RRAGB: variants seen among roughly 807,000 people sequenced by gnomAD.
RRAGB encodes Ras related GTP binding B.
In RRAGB, 6 loss-of-function variants were observed where a neutral mutation model predicts 29.3. The observed-to-expected ratio is 0.21, with a 90% CI of 0.11 to 0.40. The LOEUF (loss-of-function observed/expected upper bound fraction) is 0.40, where lower values mean the gene tolerates loss of function less well. Ranked by LOEUF, RRAGB falls within the 10% of genes least tolerant of loss-of-function variation. RRAGB has a pLI of 1.00. For missense variants in RRAGB, 184 were observed against 272.9 expected, an observed-to-expected ratio of 0.67 and a Z score of 2.29; for synonymous variants, 101 against 92.5, an observed-to-expected ratio of 1.09 and a Z score of -0.53.
Position 55,757,293 on chromosome X carries a change from A to C in RRAGB, c.905A>C (p.Asn302Thr). 8.4e-7 allele frequency: 1 copy of C among 1,185,932 alleles called. No homozygotes were observed. The highest frequency in any genetic ancestry group is 3.0e-5 in the East Asian group (1 of 33,665). Residue 302 changes from asparagine to threonine, a missense_variant, in exon 9 of 10, where the codon AAC (asparagine) becomes ACC (threonine). Physicochemically the swap from Asn to Thr is moderately conservative, Grantham distance 65 (BLOSUM62 0). Transcript: ENST00000374941. ...FAAFIDIFTSNTYVMVVMSDP... is the reference protein window; with the variant it reads ...FAAFIDIFTSTTYVMVVMSDP... ...GCTTTCATTGACATCTTTACATCCAACACTTATGTGATGGTTGTGATGTCT... is the reference window on the plus strand; with the variant it reads ...GCTTTCATTGACATCTTTACATCCACCACTTATGTGATGGTTGTGATGTCT...
At chrX:55,757,594 A>G (rs1474153903) in intron 9 of RRAGB, among the ~76,000 whole-genome samples, 1 of 112,368 alleles carries the variant, frequency 8.9e-6, no homozygotes, top group South Asian at 3.7e-4. Context: ...CTTATATTTT[A>G]AAGCTTAAAA....
chrX:55,755,643 A>G lies in RRAGB; in HGVS notation c.736-198A>G, dbSNP rs534714228. On this transcript the variant is annotated intron_variant, in intron 7 of 9. Transcript: ENST00000374941. ...TTTAATTATAACCAAATGGTACTAG[A>G]TGGGCCATCTGAATGGACGTTGAAA... 2.9e-5 allele frequency: 22 copies of G among 750,908 alleles called. No homozygotes were observed. The South Asian group carries it at 1.2e-3, about 42-fold the overall frequency. The allele number at this position is 750,908 out of a possible 1,213,427, so 61.9% of individuals were successfully genotyped here. A position where few individuals can be genotyped will look rare whatever the true frequency, so the allele number is the denominator to read the frequency against.
rs1163775934 is a variant in RRAGB at position 55,748,706 on chromosome X, C to T, written c.517-2395C>T. ...CCGTCTGGGAAGTGAGGAGCGTCTC[C>T]GCCCGGCAGCCACCCCATCCGGGAG... On this transcript the variant is annotated intron_variant, in intron 5 of 9. Transcript: ENST00000374941. 2.6e-3 allele frequency among the ~76,000 whole-genome samples: 287 copies of T among 110,875 alleles called. 3 individuals are homozygous for T. Among genetic ancestry groups the T allele is most frequent in the Non-Finnish European group, 5.9e-4 (31 of 52,465 alleles).
At position 55,757,218 on chromosome X, in the gene RRAGB, A is replaced by G; in HGVS notation, c.830A>G (p.Lys277Arg). The stretch of plus-strand genomic sequence containing the variant: ...CTCTCTTCTTCATTTTCCTATAGCA[A>G]GCTGGCTGCCTCTTTCCAGAGTATG... ...IIKQFKLSCSKLAASFQSMEV... is the reference protein window; with the variant it reads ...IIKQFKLSCSRLAASFQSMEV... Residue 277 changes from lysine to arginine, a missense_variant and splice_region_variant, in exon 9 of 10, where the codon AAG becomes AGG. Coordinates refer to ENST00000374941, the MANE Select transcript of RRAGB (RefSeq NM_006064.5). 1.7e-6 allele frequency: 2 copies of G among 1,146,238 alleles called. No homozygotes were observed. Among genetic ancestry groups the G allele is most frequent in the Non-Finnish European group, 2.4e-6 (2 of 841,179 alleles). 94.5% of individuals were successfully genotyped at this position (1,146,238 alleles called of 1,213,427 possible).
chrX:55,743,966 C>T (rs892173388), intron 5 of RRAGB, among the ~76,000 whole-genome samples: 3 of 111,311 alleles, frequency 2.7e-5, no homozygotes, highest in Non-Finnish European at 5.6e-5. Flanking sequence ...TGTAGTATTG[C>T]AGTTGTCCAC....
chrX:55,746,851 CT>C (rs1274318293), intron 5 of RRAGB, among the ~76,000 whole-genome samples: 5 of 112,378 alleles, frequency 4.4e-5, no homozygotes, highest in Non-Finnish European at 5.6e-5. Context: ...TGTGGAACCT[CT>C]GCTTAATGAG....
intron 3 of RRAGB, among the ~76,000 whole-genome samples, chrX:55,723,853 C>T (rs769524371): frequency 2.7e-5 from 3 of 112,269 alleles, no homozygotes; most frequent in Non-Finnish European, 3.8e-5. Flanking sequence ...CCACCATGCC[C>T]GGCCATCTTG....
rs756939659 is a variant in RRAGB, at chrX:55,731,516, A to T, written c.446A>T (p.Asn149Ile). The change falls in exon 5 of 10, where the codon AAT becomes ATT. Residue 149 changes from asparagine to isoleucine, a missense_variant. Physicochemically the swap from Asn to Ile is moderately radical, Grantham distance 149. Coordinates refer to ENST00000374941, the MANE Select transcript of RRAGB (RefSeq NM_006064.5). ...YQSCLEAILQNSPDAKIFCLV... is the reference protein window; with the variant it reads ...YQSCLEAILQISPDAKIFCLV... ...TCATGCCTGGAGGCCATTCTGCAGAATTCTCCAGATGCCAAAATATTTTGC... is the reference window on the plus strand; with the variant it reads ...TCATGCCTGGAGGCCATTCTGCAGATTTCTCCAGATGCCAAAATATTTTGC... 2 of 1,209,379 alleles carry T rather than the reference A, an allele frequency of 1.7e-6. No individual in the cohort carries two copies. The highest frequency in any genetic ancestry group is 2.2e-6 in the Non-Finnish European group (2 of 893,987).
rs781112070 is a variant in RRAGB at position 55,727,603 on chromosome X, CAT to C, written c.227-1689_227-1688del. The stretch of plus-strand genomic sequence containing the variant: ...AGCTTAAGTGACTTGCCCAAGGTCA[CAT>C]AGAGAGGTAGAGCTGATATTTGAAT... On this transcript the variant is annotated intron_variant, in intron 3 of 9. Coordinates refer to ENST00000374941, the MANE Select transcript of RRAGB (RefSeq NM_006064.5). Among the ~76,000 whole-genome samples the C allele has an allele frequency of 1.1e-4, 12 of 111,706 alleles. 1 individual carries two copies. In the East Asian group the frequency reaches 3.4e-3, roughly 31 times the overall value.
chrX:55,732,803 G>A (rs1009021653), intron 5 of RRAGB, among the ~76,000 whole-genome samples: 1 of 111,464 alleles, frequency 9.0e-6, no homozygotes, highest in Non-Finnish European at 1.9e-5. Flanking sequence ...TGAGGGCCTT[G>A]TTATTGCTCT....
chrX:55,729,972 C>G (rs988223533), intron 4 of RRAGB, among the ~76,000 whole-genome samples: 1 of 112,053 alleles, frequency 8.9e-6, no homozygotes, highest in African/African-American at 3.2e-5. Context: ...GGGGTTTGTA[C>G]CTCAGCTCTG....
At position 55,748,976 on chromosome X, in the gene RRAGB, C is replaced by CA. The variant is rs1158564013; in HGVS notation, c.517-2125_517-2124insA. On this transcript the variant is annotated intron_variant, in intron 5 of 9. Coordinates refer to ENST00000374941, the MANE Select transcript of RRAGB (RefSeq NM_006064.5). ...GAGGGAGGTGGGGGAGTCAGCCCCC[C>CA]CGCCCGGCCGGCCGCCCCATCCGGG... is the stretch of plus-strand genomic sequence containing the variant. 5.2e-5 allele frequency among the ~76,000 whole-genome samples: 5 copies of CA among 96,326 alleles called. 1 individual carries two copies. The highest frequency in any genetic ancestry group is 1.9e-4 in the African/African-American group (5 of 25,818). The allele number at this position is 96,326 out of a possible 115,157, so 83.6% of individuals were successfully genotyped here. A position where few individuals can be genotyped will look rare whatever the true frequency, so the allele number is the denominator to read the frequency against.
In RRAGB at chrX:55,739,324, C is replaced by T. The variant is rs753086928; in HGVS notation, c.516+7738C>T. Among the ~76,000 whole-genome samples, 21 of 112,391 alleles carry T rather than the reference C, an allele frequency of 1.9e-4. 2 individuals carry two copies. The South Asian group carries it at 7.4e-3, about 40-fold the overall frequency. ...CTGGCCAAGGGAGTTTGTCCTCACT[C>T]GAGAGATTAGACTGCAGATCTCAGT... On this transcript the variant is annotated intron_variant, in intron 5 of 9. Coordinates refer to ENST00000374941, the MANE Select transcript of RRAGB (RefSeq NM_006064.5).
intron 5 of RRAGB, among the ~76,000 whole-genome samples, chrX:55,747,621 T>G (rs1204674133): frequency 2.7e-5 from 3 of 111,772 alleles, no homozygotes; most frequent in African/African-American, 9.8e-5. Context: ...CGTGGTACCT[T>G]GCCTCTTAAA....
At position 55,727,315 on chromosome X, in the gene RRAGB, C is replaced by A; in HGVS notation, c.227-1979C>A. The A allele has an allele frequency of 8.6e-7, 1 of 1,157,126 alleles. No individual in the cohort carries two copies. Among genetic ancestry groups the A allele is most frequent in the Non-Finnish European group, 1.2e-6 (1 of 848,929 alleles). The stretch of plus-strand genomic sequence containing the variant: ...TTTCCATTTTTTTTTAGTACTAGAC[C>A]GTATACATAGTCTTCAAATTAATAG... On this transcript the variant is annotated intron_variant, in intron 3 of 9. Coordinates refer to ENST00000374941, the MANE Select transcript of RRAGB (RefSeq NM_006064.5).
In RRAGB at chrX:55,732,891, C is replaced by T. The variant is rs59034889; in HGVS notation, c.516+1305C>T. Among the ~76,000 whole-genome samples the T allele has an allele frequency of 6.8e-3, 756 of 111,325 alleles. 7 individuals carry two copies. The highest frequency in any genetic ancestry group is 0.024 in the African/African-American group (722 of 30,650). On this transcript the variant is annotated intron_variant, in intron 5 of 9. Transcript: ENST00000374941. ...TGCAGTAGAAAAACTTACAGCATTC[C>T]AATAAATGAGCTCCTTTAAACATTT...
At chrX:55,733,141 C>G (rs189162647) in intron 5 of RRAGB, among the ~76,000 whole-genome samples, 1 of 111,246 alleles carries the variant, frequency 9.0e-6, no homozygotes, top group Non-Finnish European at 1.9e-5. Context: ...GTTTCTGTGT[C>G]TCCAGTGTCC....
chrX:55,755,725 C>T, intron 7 of RRAGB, 116 bp from the exon 8 acceptor site: 1 of 1,090,168 alleles, frequency 9.2e-7, no homozygotes, highest in South Asian at 2.5e-5. Flanking sequence ...AAGCCAGGTG[C>T]CAAGTCTACC....
intron 5 of RRAGB, among the ~76,000 whole-genome samples, chrX:55,749,225 G>A (rs1298353595): frequency 8.6e-5 from 8 of 92,712 alleles, no homozygotes; most frequent in Non-Finnish European, 6.6e-5. Context: ...CGCCCCGTCC[G>A]GGAGGTGAGG....
Sources: allele counts gnomAD v4.1 joint callset (sites outside exome capture counted in the v4.1 genomes callset), GRCh38; gene constraint gnomAD v4.1.1; transcripts MANE v1.5; gene names NCBI Gene and HGNC (gene_info 2026-07-23, HGNC 2026-07-21).